ARMH3: variants seen among roughly 807,000 people sequenced by gnomAD.
ARMH3 encodes the protein armadillo-like helical domain-containing protein 3.
A neutral mutation model predicts 99.1 loss-of-function variants in ARMH3; 60 were observed. The observed-to-expected ratio is 0.61, with a 90% confidence interval of 0.49 to 0.75. The LOEUF (loss-of-function observed/expected upper bound fraction) is 0.75. Ranked by LOEUF, ARMH3 falls within the 30% of genes least tolerant of loss-of-function variation. The pLI is 0.00. For missense variants in ARMH3, 679 were observed against 843.1 expected, an observed-to-expected ratio of 0.81 and a Z score of 2.41; for synonymous variants, 285 against 292.8, an observed-to-expected ratio of 0.97 and a Z score of 0.27.
At position 102,012,894 on chromosome 10, in the gene ARMH3, G is replaced by T; in HGVS notation, c.727-18C>A. 1 of 1,597,738 alleles carries T rather than the reference G, an allele frequency of 6.3e-7. No homozygotes were observed. Among genetic ancestry groups the T allele is most frequent in the Non-Finnish European group, 8.6e-7 (1 of 1,169,584 alleles). On this transcript the variant is annotated intron_variant, in intron 9 of 25. Transcript: ENST00000370033. Reference sequence around the variant, plus strand: ...CCCATTCCCTAGAAGGGAAAAGATAGCACAGGTGAAATAAGACAGTAGCCT... The same window carrying T: ...CCCATTCCCTAGAAGGGAAAAGATATCACAGGTGAAATAAGACAGTAGCCT...
chr10:101,930,539 ACCACAATGATATAG>A (rs1843681633), intron 23 of ARMH3, among the ~76,000 whole-genome samples: 1 of 152,138 alleles, frequency 6.6e-6, no homozygotes, highest in Non-Finnish European at 1.5e-5. Flanking sequence ...ACATTCTTTT[ACCACAATGATATAG>A]CCAAGGTTGC....
chr10:101,918,202 C>T (rs1161323413), intron 23 of ARMH3, among the ~76,000 whole-genome samples: 3 of 152,184 alleles, frequency 2.0e-5, no homozygotes, highest in Admixed American at 6.5e-5. Context: ...TACAGGTGTG[C>T]ACCACCACAC....
At chr10:102,039,958 C>G (rs977843161) in intron 2 of ARMH3, 55 bp downstream of exon 2, 11 of 1,495,188 alleles carry the variant, frequency 7.4e-6, no homozygotes, top group Non-Finnish European at 1.0e-5. Flanking sequence ...TATTTCTCAT[C>G]TTGGACTAAG....
At chr10:102,000,801 TG>T (rs1161124977) in intron 15 of ARMH3, among the ~76,000 whole-genome samples, 1 of 151,118 alleles carries the variant, frequency 6.6e-6, no homozygotes, top group Non-Finnish European at 1.5e-5. Context: ...GTTCTAGAGA[TG>T]GATGGTGATG....
intron 23 of ARMH3, among the ~76,000 whole-genome samples, chr10:101,928,657 AG>A (rs1238252461): frequency 6.6e-6 from 1 of 152,206 alleles, no homozygotes; most frequent in Non-Finnish European, 1.5e-5. Context: ...CAAGAGAGAG[AG>A]GCCTTGTCTC....
intron 6 of ARMH3, 39 bp from the exon 7 acceptor site, chr10:102,023,788 G>A (rs746335852): frequency 6.4e-7 from 1 of 1,562,712 alleles, no homozygotes; most frequent in South Asian, 1.1e-5. Context: ...CTGTTCTGAG[G>A]TATTCTGATA....
intron 23 of ARMH3, among the ~76,000 whole-genome samples, chr10:101,901,155 A>G (rs937793943): frequency 6.7e-6 from 1 of 150,120 alleles, no homozygotes; most frequent in Non-Finnish European, 1.5e-5. Flanking sequence ...CATGTGCACA[A>G]AGGAGGAAGA....
chr10:101,984,475 A>C (rs988883624), intron 19 of ARMH3, among the ~76,000 whole-genome samples: 3 of 152,216 alleles, frequency 2.0e-5, no homozygotes, highest in Admixed American at 6.5e-5. Context: ...CTATGCACAC[A>C]CAGTACATTC....
At chr10:101,979,802 T>G (rs1221884758) in intron 19 of ARMH3, among the ~76,000 whole-genome samples, 6 of 152,228 alleles carry the variant, frequency 3.9e-5, no homozygotes, top group African/African-American at 1.4e-4. Context: ...GTTAGGTGGA[T>G]AAATTGATAC....
intron 19 of ARMH3, among the ~76,000 whole-genome samples, chr10:101,981,605 G>C (rs1209362916): frequency 6.6e-6 from 1 of 152,146 alleles, no homozygotes; most frequent in Non-Finnish European, 1.5e-5. Flanking sequence ...TACCTTATTA[G>C]CTTATTCTAC....
At chr10:101,867,056 C>T (rs749067194) in intron 24 of ARMH3, among the ~76,000 whole-genome samples, 7 of 152,196 alleles carry the variant, frequency 4.6e-5, no homozygotes, top group Non-Finnish European at 4.4e-5. Flanking sequence ...AACAGTAACC[C>T]TGCTTTGTGC....
At chr10:101,957,779 T>C (rs1225823591) in intron 20 of ARMH3, 47 bp from the exon 21 acceptor site, 1 of 1,511,564 alleles carries the variant, frequency 6.6e-7, no homozygotes, top group East Asian at 2.4e-5. Flanking sequence ...CAAACCATGA[T>C]TAATAAAGTT....
rs565963327 is a variant in ARMH3, at chr10:101,949,175, C to A, written c.1705+7422G>T. ...CATATCAATGAACTATGCTTGCACCCTAAAAAACTAGCAAAAAAAGAGCAA... is the reference window on the plus strand; with the variant it reads ...CATATCAATGAACTATGCTTGCACCATAAAAAACTAGCAAAAAAAGAGCAA... On this transcript the variant is annotated intron_variant, in intron 22 of 25. Coordinates refer to ENST00000370033, the MANE Select transcript of ARMH3 (RefSeq NM_024541.3). 3.3e-5 allele frequency among the ~76,000 whole-genome samples: 5 copies of A among 151,604 alleles called. No individual in the cohort carries two copies. The East Asian group carries it at 9.7e-4, about 29-fold the overall frequency.
intron 24 of ARMH3, among the ~76,000 whole-genome samples, chr10:101,862,087 AGAAG>A: frequency 6.7e-6 from 1 of 149,802 alleles, no homozygotes; most frequent in East Asian, 2.0e-4. Flanking sequence ...GTTCTTTGGC[AGAAG>A]GAAACTTATA....
chr10:101,864,338 T>C (rs2066949328), intron 24 of ARMH3, among the ~76,000 whole-genome samples: 1 of 152,192 alleles, frequency 6.6e-6, no homozygotes, highest in Non-Finnish European at 1.5e-5. Context: ...AGTGTGGCGA[T>C]TCCCTAAGGA....
At chr10:101,886,578 T>C (rs993408548) in intron 24 of ARMH3, among the ~76,000 whole-genome samples, 1 of 152,156 alleles carries the variant, frequency 6.6e-6, no homozygotes, top group Non-Finnish European at 1.5e-5. Context: ...AAAAACTTTA[T>C]CACGAATGAT....
At chr10:101,893,020 T>C (rs374075606) in intron 23 of ARMH3, among the ~76,000 whole-genome samples, 48 of 152,338 alleles carry the variant, frequency 3.2e-4, no homozygotes, top group East Asian at 2.1e-3. Flanking sequence ...CAAACATTTT[T>C]CTCAATCAGA....
At chr10:102,023,407 T>C in intron 8 of ARMH3, 70 bp downstream of exon 8, 1 of 1,377,148 alleles carries the variant, frequency 7.3e-7, no homozygotes, top group South Asian at 1.3e-5. Flanking sequence ...TTAAGCAAAG[T>C]CCTTTAGGAG....
intron 17 of ARMH3, among the ~76,000 whole-genome samples, chr10:101,993,275 C>T (rs1289864632): frequency 1.6e-5 from 2 of 128,930 alleles, no homozygotes; most frequent in East Asian, 5.2e-4. Context: ...AGAGACTCTC[C>T]CTCAAAAAAA....
Sources: gnomAD v4.1 joint callset for allele counts (sites outside exome capture counted in the v4.1 genomes callset) on GRCh38, gnomAD v4.1.1 for gene constraint, MANE v1.5 for transcripts, NCBI Gene and HGNC (gene_info 2026-07-23, HGNC 2026-07-21) for gene names.